KLF11: variants seen among roughly 807,000 people sequenced by gnomAD.
KLF11 encodes the protein KLF transcription factor 11.
Under a neutral mutation model 29.9 loss-of-function variants are expected in KLF11, and 26 were observed. The observed-to-expected ratio is 0.87, with a 90% CI of 0.64 to 1.21. The LOEUF (loss-of-function observed/expected upper bound fraction) is 1.21. Among genes scored for constraint, KLF11 ranks in the 50% most tolerant of loss-of-function variants. The pLI is 0.00. For synonymous variants in KLF11, 318 were observed against 257.4 expected (o/e 1.24, Z -2.25); for missense variants, 778 against 665.7 (o/e 1.17, Z -1.86).
rs1436540099 is a variant in KLF11, at chr2:10,046,325, C to A, written c.218C>A (p.Thr73Lys). 1.2e-6 allele frequency: 2 copies of A among 1,614,186 alleles called. No homozygotes were observed. The highest frequency in any genetic ancestry group is 4.5e-5 in the East Asian group (2 of 44,890). Residue 73 changes from threonine (T) to lysine (K), a missense_variant, in exon 2 of 4, where the codon ACG becomes AAG. By Grantham distance (78) the Thr-to-Lys change is moderately conservative. Coordinates refer to ENST00000305883, the MANE Select transcript of KLF11 (RefSeq NM_003597.5). Reference protein sequence around the residue: ...KGDLLRIRPLTPVSDSGDVTT... With the variant: ...KGDLLRIRPLKPVSDSGDVTT... ...GACCTGTTGCGGATAAGACCCCTCA[C>A]GCCTGTCTCTGACTCTGGGGATGTC...
intron 1 of KLF11, chr2:10,044,262 G>T (rs973591814): frequency 2.0e-6 from 2 of 981,004 alleles, no homozygotes; most frequent in Middle Eastern, 1.1e-3. Flanking sequence ...GGGCAACGAC[G>T]GGAGGCGGGA....
At chr2:10,044,881 C>T (rs1002534030) in intron 1 of KLF11, among the ~76,000 whole-genome samples, 4 of 152,142 alleles carry the variant, frequency 2.6e-5, no homozygotes, top group Non-Finnish European at 5.9e-5. Flanking sequence ...TGCGGTGGCT[C>T]ACGTCTGTAA....
chr2:10,047,190 T>G (rs1306937084), intron 2 of KLF11, among the ~76,000 whole-genome samples: 1 of 152,152 alleles, frequency 6.6e-6, no homozygotes, highest in Non-Finnish European at 1.5e-5. Context: ...CACTCTTGCT[T>G]TTTGTTTTTT....
Position 10,043,556 on chromosome 2 carries a change from AGGGCCGCGCCGGGGCAGAGCCGCGC to A in KLF11, c.-156_-132del, listed in dbSNP as rs1193362243. The A allele has an allele frequency of 4.8e-5, 14 of 291,080 alleles. No individual in the cohort carries two copies. The highest frequency in any genetic ancestry group is 2.0e-4 in the Admixed American group (3 of 14,738). 18.0% of individuals were successfully genotyped at this position (291,080 alleles called of 1,614,324 possible). A position where few individuals can be genotyped will look rare whatever the true frequency, so the allele number is the denominator to read the frequency against. On this transcript the variant is annotated 5_prime_UTR_variant, in exon 1 of 4. Transcript: ENST00000305883. Reference sequence around the variant, plus strand: ...GCCGCCCCGCCCCTCCCGCGCCGCGAGGGCCGCGCCGGGGCAGAGCCGCGCGGGCGGGCGAGGCGCGTGCCGGCCG... The same window carrying A: ...GCCGCCCCGCCCCTCCCGCGCCGCGAGGGCGGGCGAGGCGCGTGCCGGCCG...
In KLF11 at chr2:10,043,641, G is replaced by A. The variant is rs1038766626; in HGVS notation, c.-76G>A. On this transcript the variant is annotated 5_prime_UTR_variant, in exon 1 of 4. Coordinates refer to ENST00000305883, the MANE Select transcript of KLF11 (RefSeq NM_003597.5). ...CGGGTTGCCGCCGCCGCCGCCGCCC[G>A]CAGCCCACGTGCGGCCGCTGCTGCG... 1,199 of 1,040,192 alleles carry A rather than the reference G, an allele frequency of 1.2e-3. 15 individuals are homozygous for A. The African/African-American group carries it at 0.019, about 17-fold the overall frequency. The allele number at this position is 1,040,192 out of a possible 1,614,324, so 64.4% of individuals were successfully genotyped here.
chr2:10,046,890 TC>T (rs1661223607), intron 2 of KLF11, among the ~76,000 whole-genome samples: 1 of 152,208 alleles, frequency 6.6e-6, no homozygotes, highest in Non-Finnish European at 1.5e-5. Flanking sequence ...AAGAAACTTT[TC>T]TTTCATTTCT....
rs1248856366 is a variant in KLF11, at chr2:10,054,666, C to T, written c.*2159C>T. The T allele has an allele frequency of 6.6e-6, 1 of 152,618 alleles. No individual in the cohort carries two copies. Among genetic ancestry groups the T allele is most frequent in the Non-Finnish European group, 1.5e-5 (1 of 68,042 alleles). 9.5% of individuals were successfully genotyped at this position (152,618 alleles called of 1,614,324 possible). A position where few individuals can be genotyped will look rare whatever the true frequency, so the allele number is the denominator to read the frequency against. ...GGGCTCCCCTCGTGCACTTTATTGC[C>T]TGGGCAGTTTTGCTTGATCTTTTGT... On this transcript the variant is annotated 3_prime_UTR_variant, in exon 4 of 4. Coordinates refer to ENST00000305883, the MANE Select transcript of KLF11 (RefSeq NM_003597.5).
At position 10,048,366 on chromosome 2, in the gene KLF11, GC is replaced by G. The variant is rs1262804273; in HGVS notation, c.1033del (p.Gln345ArgfsTer42). 2 of 1,611,376 alleles carry G rather than the reference GC, an allele frequency of 1.2e-6. No individual in the cohort carries two copies. The highest frequency in any genetic ancestry group is 1.7e-6 in the Non-Finnish European group (2 of 1,178,156). On this transcript the variant is annotated frameshift_variant, in exon 3 of 4. Transcript: ENST00000305883. LOFTEE classifies it high-confidence loss of function. Reference protein sequence around the residue: ...VPQGAVMLVLPQGALPPPAPC... With the variant: ...VPQGAVMLVLXQGALPPPAPC... Reference sequence around the variant, plus strand: ...CTCAGGGAGCTGTGATGTTGGTCCTGCCCCAGGGAGCCCTCCCTCCGCCTGC... The same window carrying G: ...CTCAGGGAGCTGTGATGTTGGTCCTGCCCAGGGAGCCCTCCCTCCGCCTGC...
intron 3 of KLF11, among the ~76,000 whole-genome samples, 162 bp from the exon 4 acceptor site, chr2:10,052,065 C>T (rs1338122356): frequency 6.6e-6 from 1 of 152,104 alleles, no homozygotes; most frequent in African/African-American, 2.4e-5. Flanking sequence ...GAATAAATGC[C>T]TTTTGGAGGA....
intron 1 of KLF11, chr2:10,044,045 T>C: frequency 1.4e-6 from 1 of 697,618 alleles, no homozygotes. Context: ...TTTCCAGCCA[T>C]GACGTCACCC....
intron 3 of KLF11, among the ~76,000 whole-genome samples, chr2:10,051,603 T>C (rs1411093631): frequency 6.6e-6 from 1 of 152,198 alleles, no homozygotes; most frequent in East Asian, 1.9e-4. Flanking sequence ...CTGCAAGCTC[T>C]GCCTCCCGGG....
At chr2:10,051,123 T>G (rs1217714748) in intron 3 of KLF11, among the ~76,000 whole-genome samples, 1 of 151,904 alleles carries the variant, frequency 6.6e-6, no homozygotes, top group Admixed American at 6.5e-5. Context: ...TTAGTCAGGA[T>G]GGTCTCCATC....
At chr2:10,050,678 C>T (rs927082693) in intron 3 of KLF11, among the ~76,000 whole-genome samples, 1 of 151,998 alleles carries the variant, frequency 6.6e-6, no homozygotes, top group Non-Finnish European at 1.5e-5. Flanking sequence ...CACTGCACTC[C>T]AGCCTGGTGA....
rs747529746 is a variant in KLF11, at chr2:10,052,378, G to A, written c.1410G>A (p.Thr470=). 2.5e-5 allele frequency: 40 copies of A among 1,614,102 alleles called. No homozygotes were observed. In the Admixed American group the frequency reaches 2.5e-4, roughly 10 times the overall value. ...DRRFMRSDHL[T]KHARRHMTTK... ...GTTTCATGCGCAGTGACCACCTGAC[G>A]AAGCATGCCCGGCGCCACATGACGA... The change falls in exon 4 of 4, where the codon ACG becomes ACA. Residue 470 remains threonine (T), a synonymous_variant. Coordinates refer to ENST00000305883, the MANE Select transcript of KLF11 (RefSeq NM_003597.5).
intron 1 of KLF11, 21 bp from the exon 2 acceptor site, chr2:10,046,129 G>A (rs778693434): frequency 1.2e-5 from 19 of 1,612,790 alleles, no homozygotes; most frequent in Middle Eastern, 2.0e-4. Flanking sequence ...CTGAGAAGCC[G>A]TTGTGTTGTG....
chr2:10,047,408 C>G (rs1180157453), intron 2 of KLF11, among the ~76,000 whole-genome samples: 1 of 152,152 alleles, frequency 6.6e-6, no homozygotes, highest in Non-Finnish European at 1.5e-5. Context: ...GGCCTGGCGG[C>G]CAGGAGCTCC....
intron 3 of KLF11, among the ~76,000 whole-genome samples, chr2:10,049,088 TTAAAG>T (rs1211090434): frequency 1.3e-5 from 2 of 152,126 alleles, no homozygotes; most frequent in East Asian, 1.9e-4. Context: ...AGTTTTTAAT[TTAAAG>T]TAAGTCACAC....
chr2:10,052,158 T>C (rs373445434), intron 3 of KLF11, 69 bp from the exon 4 acceptor site: 166 of 1,452,530 alleles, frequency 1.1e-4, no homozygotes, highest in East Asian at 6.4e-4. Context: ...TAAAATGACA[T>C]GAATTAACCC....
rs1321705675 is a variant in KLF11 at position 10,054,452 on chromosome 2, A to G, written c.*1945A>G. 1 of 152,610 alleles carries G rather than the reference A, an allele frequency of 6.6e-6. No homozygotes were observed. The highest frequency in any genetic ancestry group is 1.5e-5 in the Non-Finnish European group (1 of 68,036). 9.5% of individuals were successfully genotyped at this position (152,610 alleles called of 1,614,324 possible). A position where few individuals can be genotyped will look rare whatever the true frequency, so the allele number is the denominator to read the frequency against. On this transcript the variant is annotated 3_prime_UTR_variant, in exon 4 of 4. Transcript: ENST00000305883. ...GAAAACGGTTTTAATTTACACTTCC[A>G]TTTCCTGATTACATTTGGAAATACT...
Sources: gnomAD v4.1 joint callset for allele counts (sites outside exome capture counted in the v4.1 genomes callset) on GRCh38, gnomAD v4.1.1 for gene constraint, MANE v1.5 for transcripts, NCBI Gene and HGNC (gene_info 2026-07-23, HGNC 2026-07-21) for gene names.